ZNF410: variants seen among roughly 807,000 people sequenced by gnomAD.
ZNF410 encodes another partner for ARF 1.
In ZNF410, 18 loss-of-function variants were observed where a neutral mutation model predicts 54.8. The ratio of observed to expected loss-of-function variants is 0.33; its 90% CI spans 0.23 to 0.49. The LOEUF (loss-of-function observed/expected upper bound fraction) is 0.49. Ranked by LOEUF, ZNF410 falls within the 20% of genes least tolerant of loss-of-function variation. The probability of loss-of-function intolerance (pLI) is 0.99; values close to 1 mark genes in which losing one functional copy is unlikely to be tolerated. For missense variants in ZNF410, 405 were observed against 569.6 expected (o/e 0.71, Z 2.94); for synonymous variants, 191 against 207.3 (o/e 0.92, Z 0.68).
intron 11 of ZNF410, among the ~76,000 whole-genome samples, chr14:73,929,980 G>A (rs1254991993): frequency 1.3e-5 from 2 of 152,084 alleles, no homozygotes; most frequent in Non-Finnish European, 2.9e-5. Flanking sequence ...GGGCTTTTGG[G>A]CTGTCATACT....
At chr14:73,931,267 C>T (rs1159032727) in intron 11 of ZNF410, among the ~76,000 whole-genome samples, 1 of 152,134 alleles carries the variant, frequency 6.6e-6, no homozygotes, top group East Asian at 1.9e-4. Flanking sequence ...GGCTTATAGA[C>T]TCAGAATATT....
At chr14:73,908,998 G>A (rs72723762) in intron 7 of ZNF410, among the ~76,000 whole-genome samples, 8,596 of 151,906 alleles carry the variant, frequency 0.057, 328 homozygotes, top group Middle Eastern at 0.11. Flanking sequence ...ATTGATGTAA[G>A]GTAAAAATCC....
At chr14:73,887,262 T>A (rs1273227172) in intron 1 of ZNF410, 1 of 152,508 alleles carries the variant, frequency 6.6e-6, no homozygotes, top group Non-Finnish European at 1.5e-5. Context: ...CTACGGACCT[T>A]GGGGCCTTAT....
rs745734455 is a variant in ZNF410, at chr14:73,893,792, C to T, written c.34-5C>T. The T allele has an allele frequency of 2.3e-5, 37 of 1,595,588 alleles. No homozygotes were observed. The African/African-American group carries it at 2.8e-4, about 12-fold the overall frequency. On this transcript the variant is annotated splice_polypyrimidine_tract_variant and splice_region_variant and intron_variant, in intron 2 of 11. Coordinates refer to ENST00000555044, the MANE Select transcript of ZNF410 (RefSeq NM_021188.3). ...ATTTCTCAGTGTTGTCTTTTCTCCC[C>T]CCAGCTCCTGGTACAGTTTGTTCAG...
intron 5 of ZNF410, among the ~76,000 whole-genome samples, chr14:73,903,274 A>G (rs1196462554): frequency 1.3e-5 from 2 of 152,162 alleles, no homozygotes; most frequent in East Asian, 3.9e-4. Flanking sequence ...TCATCTTTGT[A>G]GCACCCTACT....
chr14:73,891,947 T>A (rs2055236657), intron 1 of ZNF410, 80 bp from the exon 2 acceptor site: 5 of 622,490 alleles, frequency 8.0e-6, no homozygotes, highest in Non-Finnish European at 1.1e-5. Context: ...TTTTTTTGTA[T>A]ATGTAAAGAA....
chr14:73,931,853 C>G lies in ZNF410; in HGVS notation c.*312C>G, dbSNP rs898419334. 2.3e-6 allele frequency: 1 copy of G among 436,778 alleles called. No homozygotes were observed. The highest frequency in any genetic ancestry group is 2.0e-5 in the African/African-American group (1 of 49,248). The allele number at this position is 436,778 out of a possible 1,614,324, so 27.1% of individuals were successfully genotyped here. A position where few individuals can be genotyped will look rare whatever the true frequency, so the allele number is the denominator to read the frequency against. ...TATGTGTTGGCTGAAGTTCTTCATT[C>G]TGACTGTTGAGGGGAGGTTTTCCTT... On this transcript the variant is annotated 3_prime_UTR_variant, in exon 12 of 12. Coordinates refer to ENST00000555044, the MANE Select transcript of ZNF410 (RefSeq NM_021188.3).
At chr14:73,913,581 A>G (rs973400332) in intron 8 of ZNF410, 3 of 152,248 alleles carry the variant, frequency 2.0e-5, no homozygotes, top group African/African-American at 7.2e-5. Flanking sequence ...GTGACCTGTC[A>G]TGATTAACTG....
chr14:73,905,956 CACACACACACACAT>C (rs1756565500), intron 7 of ZNF410, among the ~76,000 whole-genome samples: 1 of 21,172 alleles, frequency 4.7e-5, no homozygotes, highest in African/African-American at 1.1e-4. Context: ...CACACACACA[CACACACACACACAT>C]ATATATATAT....
intron 4 of ZNF410, among the ~76,000 whole-genome samples, chr14:73,897,513 G>A (rs2055336778): frequency 6.6e-6 from 1 of 152,140 alleles, no homozygotes; most frequent in Admixed American, 6.5e-5. Flanking sequence ...ATGAAATACA[G>A]TAGGTGGGGA....
intron 5 of ZNF410, among the ~76,000 whole-genome samples, chr14:73,898,691 A>G (rs1183891959): frequency 6.6e-6 from 1 of 152,246 alleles, no homozygotes; most frequent in African/African-American, 2.4e-5. Flanking sequence ...ACATTAAGTC[A>G]TTGTGGCAGA....
Position 73,896,500 on chromosome 14 carries a change from C to T in ZNF410, c.354C>T (p.Ser118=). Residue 118 remains serine (S), a synonymous_variant, in exon 4 of 12, where the codon AGC becomes AGT. Transcript: ENST00000555044. ...TGCAAGATCTACAGCCAAGTGATAGCACTTCTTTTATTCTTCTTAACCTAA... is the reference window on the plus strand; with the variant it reads ...TGCAAGATCTACAGCCAAGTGATAGTACTTCTTTTATTCTTCTTAACCTAA... ...SLLQDLQPSD[S]TSFILLNLTR... 6.2e-7 allele frequency: 1 copy of T among 1,614,148 alleles called. No homozygotes were observed. The highest frequency in any genetic ancestry group is 1.6e-4 in the Middle Eastern group (1 of 6,062).
chr14:73,898,029 C>A, intron 4 of ZNF410, 42 bp from the exon 5 acceptor site: 2 of 1,471,898 alleles, frequency 1.4e-6, no homozygotes, highest in Admixed American at 1.9e-5. Flanking sequence ...AAATAAAAAG[C>A]TTGCTTGGTT....
chr14:73,911,136 C>T (rs1052931563), intron 8 of ZNF410, among the ~76,000 whole-genome samples: 6 of 152,110 alleles, frequency 3.9e-5, no homozygotes, highest in Non-Finnish European at 8.8e-5. Flanking sequence ...AGTAGCATAA[C>T]TTTTTTTAGT....
chr14:73,910,966 A>G (rs1351571973), intron 8 of ZNF410, among the ~76,000 whole-genome samples: 1 of 151,890 alleles, frequency 6.6e-6, no homozygotes, highest in African/African-American at 2.4e-5. Flanking sequence ...AAAATGTTGG[A>G]TGATGAGTGC....
At chr14:73,899,070 C>T (rs2055366152) in intron 5 of ZNF410, among the ~76,000 whole-genome samples, 2 of 151,996 alleles carry the variant, frequency 1.3e-5, no homozygotes, top group Admixed American at 1.3e-4. Flanking sequence ...CTCAATACAA[C>T]ATGGTTTAAT....
At chr14:73,922,283 G>A in intron 10 of ZNF410, 77 bp downstream of exon 10, 5 of 1,446,454 alleles carry the variant, frequency 3.5e-6, no homozygotes, top group Non-Finnish European at 4.7e-6. Flanking sequence ...TCTCCACAAT[G>A]TATGTTTAAA....
intron 8 of ZNF410, among the ~76,000 whole-genome samples, chr14:73,912,245 C>T (rs2055592116): frequency 6.7e-6 from 1 of 150,032 alleles, no homozygotes; most frequent in South Asian, 2.1e-4. Context: ...TCTTGGCTCA[C>T]TGCAGCCTCC....
intron 1 of ZNF410, among the ~76,000 whole-genome samples, chr14:73,887,724 G>GT (rs982683260): frequency 6.6e-6 from 1 of 152,218 alleles, no homozygotes; most frequent in Non-Finnish European, 1.5e-5. Context: ...ATTGCACTTG[G>GT]TTTTTTCTTA....
Sources: allele counts gnomAD v4.1 joint callset (sites outside exome capture counted in the v4.1 genomes callset), GRCh38; gene constraint gnomAD v4.1.1; transcripts MANE v1.5; gene names NCBI Gene and HGNC (gene_info 2026-07-23, HGNC 2026-07-21).